TDRP: variants seen among roughly 807,000 people sequenced by gnomAD.
TDRP encodes the protein testis development-related protein.
Under a neutral mutation model 10.5 loss-of-function variants are expected in TDRP, and 12 were observed. The ratio of observed to expected loss-of-function variants is 1.15; its 90% CI spans 0.73 to 1.86. The LOEUF (loss-of-function observed/expected upper bound fraction) is 1.86. Among genes scored for constraint, TDRP ranks in the 40% most tolerant of loss-of-function variants. The pLI, the probability that TDRP is intolerant of heterozygous loss-of-function variation, is 0.00. For synonymous variants in TDRP, 139 were observed against 95.4 expected, an observed-to-expected ratio of 1.46 and a Z score of -2.67; for missense variants, 353 against 229.2, an observed-to-expected ratio of 1.54 and a Z score of -3.49.
At chr8:520,485 A>G (rs565079872) in intron 1 of TDRP, among the ~76,000 whole-genome samples, 2 of 152,326 alleles carry the variant, frequency 1.3e-5, no homozygotes, top group African/African-American at 2.4e-5. Context: ...GCTGAAACAT[A>G]TAATTCTATT....
chr8:507,196 C>G (rs1801490982), intron 1 of TDRP, among the ~76,000 whole-genome samples: 1 of 152,120 alleles, frequency 6.6e-6, no homozygotes, highest in Non-Finnish European at 1.5e-5. Context: ...GTAGGGGAGA[C>G]TGCCCCCATA....
intron 1 of TDRP, among the ~76,000 whole-genome samples, chr8:507,631 T>A (rs187013574): frequency 6.6e-6 from 1 of 152,078 alleles, no homozygotes; most frequent in South Asian, 2.1e-4. Context: ...AGAAGCCACA[T>A]CAGGAGCTAA....
Position 492,514 on chromosome 8 carries a change from C to T in TDRP, c.443G>A (p.Ser148Asn), listed in dbSNP as rs1801008141. Residue 148 changes from serine to asparagine, a missense_variant, in exon 3 of 3, where the codon AGC becomes AAC. By Grantham distance (46) the Ser-to-Asn change is conservative. Coordinates refer to ENST00000324079, the MANE Select transcript of TDRP (RefSeq NM_001384899.1). Reference sequence around the variant, plus strand: ...GGAGCTGTTGGCAGAGCTGGCCAGGCTGGTGTACTTGGTCGAGCCCTTGGC... The same window carrying T: ...GGAGCTGTTGGCAGAGCTGGCCAGGTTGGTGTACTTGGTCGAGCCCTTGGC... Reference protein sequence around the residue: ...DDAKGSTKYTSLASSANSSRW... With the variant: ...DDAKGSTKYTNLASSANSSRW... 6.2e-7 allele frequency: 1 copy of T among 1,610,692 alleles called. No individual in the cohort carries two copies. The highest frequency in any genetic ancestry group is 1.3e-5 in the African/African-American group (1 of 75,018).
intron 1 of TDRP, among the ~76,000 whole-genome samples, chr8:519,059 T>A (rs1801829215): frequency 7.7e-6 from 1 of 129,346 alleles, no homozygotes; most frequent in Admixed American, 8.8e-5. Flanking sequence ...CACCTCCTCC[T>A]CTGACCTCCA....
chr8:522,776 T>C (rs1048660729), intron 1 of TDRP, among the ~76,000 whole-genome samples: 2 of 152,234 alleles, frequency 1.3e-5, no homozygotes, highest in East Asian at 1.9e-4. Flanking sequence ...AGCAATTACA[T>C]AGTCCTTCTT....
At chr8:524,049 G>C (rs1801974455) in intron 1 of TDRP, among the ~76,000 whole-genome samples, 1 of 152,200 alleles carries the variant, frequency 6.6e-6, no homozygotes, top group Admixed American at 6.5e-5. Flanking sequence ...CAGGGCAGTG[G>C]CCACAAGAGT....
chr8:492,163 G>GGACT lies in TDRP; in HGVS notation c.*232_*235dup, dbSNP rs1800995129. Reference sequence around the variant, plus strand: ...CACATCTCCAGTTTCTGCAAAACATGGACTGATAGGTGAATATTTCTGCAA... The same window carrying GGACT: ...CACATCTCCAGTTTCTGCAAAACATGGACTGACTGATAGGTGAATATTTCTGCAA... On this transcript the variant is annotated 3_prime_UTR_variant, in exon 3 of 3. Coordinates refer to ENST00000324079, the MANE Select transcript of TDRP (RefSeq NM_001384899.1). 8.0e-7 allele frequency: 1 copy of GGACT among 1,254,514 alleles called. No homozygotes were observed. Among genetic ancestry groups the GGACT allele is most frequent in the African/African-American group, 1.5e-5 (1 of 64,884 alleles). 77.7% of individuals were successfully genotyped at this position (1,254,514 alleles called of 1,614,324 possible).
chr8:513,882 A>C (rs1801682967), intron 1 of TDRP, among the ~76,000 whole-genome samples: 1 of 152,262 alleles, frequency 6.6e-6, no homozygotes, highest in Admixed American at 6.5e-5. Flanking sequence ...AAATTAAGAA[A>C]GCAATTCCAG....
At chr8:493,379 C>G (rs995862328) in intron 2 of TDRP, among the ~76,000 whole-genome samples, 2 of 152,242 alleles carry the variant, frequency 1.3e-5, no homozygotes, top group African/African-American at 4.8e-5. Context: ...CGCCTGACAA[C>G]CAGGGAACCG....
chr8:499,018 T>C (rs1233380973), intron 1 of TDRP, among the ~76,000 whole-genome samples: 2 of 152,156 alleles, frequency 1.3e-5, no homozygotes, highest in Non-Finnish European at 2.9e-5. Flanking sequence ...TCTTTATAAA[T>C]TACCCAGTCT....
intron 1 of TDRP, among the ~76,000 whole-genome samples, chr8:519,898 G>C (rs541189150): frequency 2.2e-4 from 34 of 152,324 alleles, no homozygotes; most frequent in South Asian, 8.3e-4. Context: ...ATCCGAATCA[G>C]CATCTGGCCC....
intron 1 of TDRP, among the ~76,000 whole-genome samples, chr8:531,997 C>T (rs1563131082): frequency 6.6e-6 from 1 of 152,200 alleles, no homozygotes; most frequent in Non-Finnish European, 1.5e-5. Context: ...GCTGCTATAG[C>T]AGAACAAAAC....
chr8:509,392 T>A (rs901421524), intron 1 of TDRP, among the ~76,000 whole-genome samples: 2 of 152,214 alleles, frequency 1.3e-5, no homozygotes, highest in African/African-American at 4.8e-5. Flanking sequence ...GGTGTTTCCA[T>A]ACATCTCTGA....
chr8:544,858 G>A, upstream of TDRP: 5 of 874,662 alleles, frequency 5.7e-6, no homozygotes, highest in Non-Finnish European at 6.0e-6. Context: ...GCGGGACGCG[G>A]GCCCAGTGGG....
chr8:544,850 G>C (rs1266691714), upstream of TDRP: 2 of 986,526 alleles, frequency 2.0e-6, no homozygotes, highest in South Asian at 5.1e-5. Context: ...CGGCTCCTGC[G>C]GGACGCGGGC....
intron 1 of TDRP, among the ~76,000 whole-genome samples, chr8:529,509 T>A (rs1802127459): frequency 1.3e-5 from 2 of 152,206 alleles, no homozygotes; most frequent in Admixed American, 1.3e-4. Context: ...ATCCTTTCAC[T>A]TCAGCTTCAA....
At position 491,454 on chromosome 8, in the gene TDRP, A is replaced by G; in HGVS notation, c.*945T>C. On this transcript the variant is annotated 3_prime_UTR_variant, in exon 3 of 3. Coordinates refer to ENST00000324079, the MANE Select transcript of TDRP (RefSeq NM_001384899.1). ...AAAAAGAACGCGAGAGATGCTCTCAAACCGGTCGTCGATTATTCTTGTGGA... is the reference window on the plus strand; with the variant it reads ...AAAAAGAACGCGAGAGATGCTCTCAGACCGGTCGTCGATTATTCTTGTGGA... 1 of 646,836 alleles carries G rather than the reference A, an allele frequency of 1.5e-6. No individual in the cohort carries two copies. Among genetic ancestry groups the G allele is most frequent in the Non-Finnish European group, 2.4e-6 (1 of 418,328 alleles). The allele number at this position is 646,836 out of a possible 1,614,324, so 40.1% of individuals were successfully genotyped here.
At position 519,802 on chromosome 8, in the gene TDRP, T is replaced by A. The variant is rs376569281; in HGVS notation, c.108+24848A>T. Reference sequence around the variant, plus strand: ...GGCAGTGGGGCGAGGCATTGTCAAGTGGTATGTGACCCACCCTGATGGCTC... The same window carrying A: ...GGCAGTGGGGCGAGGCATTGTCAAGAGGTATGTGACCCACCCTGATGGCTC... On this transcript the variant is annotated intron_variant, in intron 1 of 2. Coordinates refer to ENST00000324079, the MANE Select transcript of TDRP (RefSeq NM_001384899.1). 2.0e-5 allele frequency among the ~76,000 whole-genome samples: 3 copies of A among 152,284 alleles called. No individual in the cohort carries two copies. In the East Asian group the frequency reaches 5.8e-4, roughly 29 times the overall value.
rs1363334066 is a variant in TDRP at position 492,578 on chromosome 8, C to T, written c.379G>A (p.Val127Met). The T allele has an allele frequency of 8.1e-6, 13 of 1,613,486 alleles. No homozygotes were observed. Among genetic ancestry groups the T allele is most frequent in the South Asian group, 2.2e-5 (2 of 91,046 alleles). ...EDISADPEDT[V>M]GGHPSWSGWE... ...CCTGACCAGGATGGGTGGCCACCCA[C>T]GGTGTCCTCAGGGTCAGCCGATATG... The change falls in exon 3 of 3, where the codon GTG (valine) becomes ATG (methionine). Residue 127 changes from valine to methionine, a missense_variant. By Grantham distance (21) the Val-to-Met change is conservative. Coordinates refer to ENST00000324079, the MANE Select transcript of TDRP (RefSeq NM_001384899.1).
Sources: gnomAD v4.1 joint callset for allele counts (sites outside exome capture counted in the v4.1 genomes callset) on GRCh38, gnomAD v4.1.1 for gene constraint, MANE v1.5 for transcripts, NCBI Gene and HGNC (gene_info 2026-07-23, HGNC 2026-07-21) for gene names.